HMCN1: variants seen among roughly 807,000 people sequenced by gnomAD.
HMCN1 encodes hemicentin 1.
In HMCN1, 321 loss-of-function variants were observed where a neutral mutation model predicts 625.9. The observed-to-expected ratio is 0.51, with a 90% CI of 0.47 to 0.56. The LOEUF (loss-of-function observed/expected upper bound fraction) is 0.56. Ranked by LOEUF, HMCN1 falls within the 20% of genes least tolerant of loss-of-function variation. HMCN1 has a pLI of 0.00. For missense variants in HMCN1, 6,588 were observed against 6,887.3 expected (o/e 0.96, Z 1.54); for synonymous variants, 2,425 against 2,417.6 (o/e 1.00, Z -0.09).
intron 4 of HMCN1, among the ~76,000 whole-genome samples, chr1:185,888,592 C>G (rs1271681278): frequency 2.7e-5 from 4 of 146,736 alleles, no homozygotes; most frequent in African/African-American, 8.3e-5. Flanking sequence ...TTGTTTTTCT[C>G]AGGTTTGTCA....
At chr1:186,038,473 G>A (rs1214187746) in intron 37 of HMCN1, among the ~76,000 whole-genome samples, 5 of 152,156 alleles carry the variant, frequency 3.3e-5, no homozygotes, top group Non-Finnish European at 7.4e-5. Flanking sequence ...GAGGCCAACA[G>A]TGTGGATGGT....
At chr1:186,122,277 G>A (rs1409377180) in intron 80 of HMCN1, among the ~76,000 whole-genome samples, 1 of 152,040 alleles carries the variant, frequency 6.6e-6, no homozygotes, top group Middle Eastern at 3.2e-3. Context: ...ATCTTAATAC[G>A]ATTATCAGTT....
intron 105 of HMCN1, 56 bp downstream of exon 105, chr1:186,182,343 G>T (rs1262967889): frequency 2.5e-6 from 4 of 1,605,552 alleles, no homozygotes; most frequent in Non-Finnish European, 1.7e-6. Context: ...CCAACAGAGA[G>T]TGTGAGAAGT....
chr1:186,172,677 C>T (rs1379539927), intron 102 of HMCN1, among the ~76,000 whole-genome samples: 1 of 152,126 alleles, frequency 6.6e-6, no homozygotes, highest in Non-Finnish European at 1.5e-5. Flanking sequence ...GCTGTACCAG[C>T]CTGGTTAGCA....
intron 1 of HMCN1, among the ~76,000 whole-genome samples, chr1:185,786,233 C>T (rs1199279442): frequency 6.6e-6 from 1 of 152,184 alleles, no homozygotes. Context: ...ATCATTTTCC[C>T]TAACATGAGG....
intron 24 of HMCN1, 129 bp from the exon 25 acceptor site, chr1:185,997,300 A>G: frequency 1.4e-6 from 1 of 709,920 alleles, no homozygotes; most frequent in Non-Finnish European, 2.5e-6. Context: ...GCAACTGGAA[A>G]TAGGAATCAT....
At chr1:185,871,449 G>C (rs1663616276) in intron 4 of HMCN1, among the ~76,000 whole-genome samples, 1 of 152,072 alleles carries the variant, frequency 6.6e-6, no homozygotes, top group Non-Finnish European at 1.5e-5. Flanking sequence ...GAAAATGATA[G>C]TTTCTACCTC....
In HMCN1 at chr1:186,136,612, A is replaced by T. The variant is rs192084091; in HGVS notation, c.13313-56A>T. The stretch of plus-strand genomic sequence containing the variant: ...ATAATGTCGCCATATAATACATGAT[A>T]AAAAAAAATGCTGTAACTCCACAAA... On this transcript the variant is annotated intron_variant, in intron 86 of 106. Coordinates refer to ENST00000271588, the MANE Select transcript of HMCN1 (RefSeq NM_031935.3). 1.7e-4 allele frequency: 237 copies of T among 1,372,986 alleles called. No homozygotes were observed. In the African/African-American group the frequency reaches 2.9e-3, roughly 17 times the overall value. 85.1% of individuals were successfully genotyped at this position (1,372,986 alleles called of 1,614,324 possible).
intron 11 of HMCN1, among the ~76,000 whole-genome samples, chr1:185,951,382 T>C (rs959414433): frequency 1.6e-4 from 24 of 151,796 alleles, no homozygotes; most frequent in African/African-American, 5.1e-4. Flanking sequence ...TGGCCGTCAA[T>C]ACCCACAACA....
chr1:186,059,314 C>T (rs893015662), intron 46 of HMCN1, among the ~76,000 whole-genome samples: 1 of 152,026 alleles, frequency 6.6e-6, no homozygotes, highest in Non-Finnish European at 1.5e-5. Flanking sequence ...AAATTATATT[C>T]ATCTTTCTGG....
At chr1:185,975,601 A>G (rs915872154) in intron 15 of HMCN1, among the ~76,000 whole-genome samples, 12 of 152,170 alleles carry the variant, frequency 7.9e-5, no homozygotes, top group Non-Finnish European at 1.2e-4. Context: ...TCCAAACCGT[A>G]TCACTTAGAA....
intron 55 of HMCN1, 123 bp downstream of exon 55, chr1:186,078,343 C>G (rs1223669483): frequency 2.8e-6 from 2 of 723,830 alleles, no homozygotes; most frequent in East Asian, 5.4e-5. Flanking sequence ...ACTGATAGTT[C>G]TCCCAAGGAG....
intron 44 of HMCN1, among the ~76,000 whole-genome samples, chr1:186,054,553 C>T (rs1214121485): frequency 6.6e-6 from 1 of 151,968 alleles, no homozygotes; most frequent in Non-Finnish European, 1.5e-5. Context: ...TCTTCCCACA[C>T]ACATATGTAT....
intron 11 of HMCN1, among the ~76,000 whole-genome samples, chr1:185,961,732 AT>A (rs1478191284): frequency 5.3e-5 from 8 of 152,192 alleles, no homozygotes; most frequent in African/African-American, 1.9e-4. Context: ...TTGATGATAA[AT>A]TCCTGATTTA....
Position 186,055,374 on chromosome 1 carries a change from A to G in HMCN1, c.6863-19A>G, listed in dbSNP as rs776394856. On this transcript the variant is annotated intron_variant, in intron 44 of 106. Coordinates refer to ENST00000271588, the MANE Select transcript of HMCN1 (RefSeq NM_031935.3). ...AACATTTCCTCTTTTGTTTCTTTTT[A>G]TCTTCCTCCAACCCTCAGTTAGACC... The G allele has an allele frequency of 9.3e-6, 15 of 1,610,940 alleles. No homozygotes were observed. In the African/African-American group the frequency reaches 1.1e-4, roughly 11 times the overall value.
chr1:185,889,420 C>T (rs1664897754), intron 4 of HMCN1, among the ~76,000 whole-genome samples: 1 of 147,554 alleles, frequency 6.8e-6, no homozygotes, highest in African/African-American at 2.7e-5. Flanking sequence ...AGTTTTTGTC[C>T]ATTCAGTATG....
In HMCN1 at chr1:186,094,303, C is replaced by T. The variant is rs746089108; in HGVS notation, c.10224C>T (p.Val3408=). ...TTGTGAGAGCTCAGGTGTCTGATGT[C>T]GCTGTGTATACTTGTGTGGCCTCCA... is the stretch of plus-strand genomic sequence containing the variant. The part of the protein sequence containing the change: ...IRIVRAQVSD[V]AVYTCVASNR... The change falls in exon 67 of 107, where the codon GTC becomes GTT. Residue 3408 remains valine (V), a synonymous_variant. Coordinates refer to ENST00000271588, the MANE Select transcript of HMCN1 (RefSeq NM_031935.3). The T allele has an allele frequency of 6.8e-6, 11 of 1,613,056 alleles. No individual in the cohort carries two copies. The Admixed American group carries it at 8.4e-5, about 12-fold the overall frequency.
At chr1:186,113,059 T>C in intron 72 of HMCN1, 106 bp downstream of exon 72, 3 of 1,360,140 alleles carry the variant, frequency 2.2e-6, no homozygotes, top group Non-Finnish European at 3.1e-6. Context: ...CTTGTGCTTA[T>C]CTTACTGCTT....
chr1:185,854,246 G>A (rs942756792), intron 2 of HMCN1, among the ~76,000 whole-genome samples: 1 of 152,086 alleles, frequency 6.6e-6, no homozygotes, highest in African/African-American at 2.4e-5. Context: ...TATCCAAACT[G>A]GGTAGGAGCA....
Sources: allele counts gnomAD v4.1 joint callset (sites outside exome capture counted in the v4.1 genomes callset), GRCh38; gene constraint gnomAD v4.1.1; transcripts MANE v1.5; gene names NCBI Gene and HGNC (gene_info 2026-07-23, HGNC 2026-07-21).